Variants in ZMAT4 observed in about 807,000 individuals in gnomAD.
The protein encoded by ZMAT4 is zinc finger matrin-type protein 4.
In ZMAT4, 17 loss-of-function variants were observed where a neutral mutation model predicts 28.7. That is an observed-to-expected ratio of 0.59 (90% CI 0.41 to 0.89). The LOEUF (loss-of-function observed/expected upper bound fraction) is 0.89, where lower values mean the gene tolerates loss of function less well. Ranked by LOEUF, ZMAT4 falls within the 40% of genes least tolerant of loss-of-function variation. The pLI is 0.00. For synonymous variants in ZMAT4, 117 were observed against 109.2 expected (o/e 1.07, Z -0.44); for missense variants, 240 against 283.8 (o/e 0.85, Z 1.11).
chr8:40,834,747 C>T (rs1425706975), intron 1 of ZMAT4, among the ~76,000 whole-genome samples: 1 of 152,186 alleles, frequency 6.6e-6, no homozygotes, highest in Non-Finnish European at 1.5e-5. Flanking sequence ...CACGTGTCAT[C>T]CTTCTGGAAC....
chr8:40,599,779 C>A (rs1444205297), intron 5 of ZMAT4, among the ~76,000 whole-genome samples: 1 of 152,234 alleles, frequency 6.6e-6, no homozygotes, highest in Non-Finnish European at 1.5e-5. Flanking sequence ...TCTGCCTGAA[C>A]ATATGCTGTG....
At chr8:40,825,811 A>T in intron 1 of ZMAT4, 131 bp from the exon 2 acceptor site, 4 of 641,150 alleles carry the variant, frequency 6.2e-6, no homozygotes, top group Non-Finnish European at 1.1e-5. Flanking sequence ...ATCTCCCTAC[A>T]CTCTTGACGT....
At chr8:40,853,858 T>A (rs1326994678) in intron 1 of ZMAT4, among the ~76,000 whole-genome samples, 1 of 152,210 alleles carries the variant, frequency 6.6e-6, no homozygotes, top group Non-Finnish European at 1.5e-5. Context: ...TTTGTCTGTA[T>A]GATGCTATAA....
At chr8:40,797,075 C>A (rs1446778876) in intron 2 of ZMAT4, among the ~76,000 whole-genome samples, 1 of 152,208 alleles carries the variant, frequency 6.6e-6, no homozygotes, top group African/African-American at 2.4e-5. Flanking sequence ...CATTTCCATG[C>A]ACTCAGAGCT....
chr8:40,760,884 T>C (rs1157691413), intron 3 of ZMAT4, among the ~76,000 whole-genome samples: 1 of 152,164 alleles, frequency 6.6e-6, no homozygotes, highest in East Asian at 1.9e-4. Context: ...TTGACAGCTA[T>C]GGTCAGCTAC....
intron 5 of ZMAT4, among the ~76,000 whole-genome samples, chr8:40,632,343 T>G (rs13264921): frequency 0.2 from 31,065 of 152,164 alleles, 3,296 homozygotes; most frequent in Middle Eastern, 0.27. Flanking sequence ...GCCATGCCAT[T>G]TTCTCCCCTC....
intron 6 of ZMAT4, among the ~76,000 whole-genome samples, chr8:40,566,492 A>G (rs576853072): frequency 6.6e-6 from 1 of 152,196 alleles, no homozygotes; most frequent in Admixed American, 6.5e-5. Context: ...GACTTTCTCA[A>G]ATTACACTGT....
chr8:40,833,260 G>A (rs1236716420), intron 1 of ZMAT4, among the ~76,000 whole-genome samples: 5 of 151,854 alleles, frequency 3.3e-5, no homozygotes, highest in Admixed American at 3.3e-4. Context: ...ACAGAAACAA[G>A]AAAAGTACTC....
At chr8:40,533,350 A>C (rs1411166944) in intron 6 of ZMAT4, among the ~76,000 whole-genome samples, 2 of 152,222 alleles carry the variant, frequency 1.3e-5, no homozygotes, top group Non-Finnish European at 2.9e-5. Flanking sequence ...GATTTCTCGC[A>C]TGCTGCTGAA....
At chr8:40,701,574 G>A (rs755934354) in intron 3 of ZMAT4, among the ~76,000 whole-genome samples, 31 of 127,684 alleles carry the variant, frequency 2.4e-4, no homozygotes, top group Non-Finnish European at 4.2e-4. Flanking sequence ...CTGGAGTGCA[G>A]TGTCACGATC....
intron 3 of ZMAT4, among the ~76,000 whole-genome samples, chr8:40,701,284 G>A (rs1004572910): frequency 2.6e-5 from 4 of 152,124 alleles, no homozygotes; most frequent in African/African-American, 9.7e-5. Flanking sequence ...AATGTATCAT[G>A]GGATATAGGT....
chr8:40,567,624 C>A (rs1403245252), intron 6 of ZMAT4, among the ~76,000 whole-genome samples: 7 of 151,352 alleles, frequency 4.6e-5, no homozygotes, highest in African/African-American at 1.7e-4. Flanking sequence ...ACTTGAACCC[C>A]CCTGGGAGGC....
At chr8:40,796,983 G>T (rs910971725) in intron 2 of ZMAT4, among the ~76,000 whole-genome samples, 1 of 152,134 alleles carries the variant, frequency 6.6e-6, no homozygotes, top group East Asian at 1.9e-4. Context: ...ACCTCCAGGG[G>T]CCACAGGCAG....
chr8:40,704,227 T>C (rs2150501328), intron 3 of ZMAT4, among the ~76,000 whole-genome samples: 1 of 152,352 alleles, frequency 6.6e-6, no homozygotes, highest in Non-Finnish European at 1.5e-5. Flanking sequence ...AAAAGCAGAA[T>C]GCAGAAAATG....
At chr8:40,890,841 C>T (rs776502228) in intron 1 of ZMAT4, among the ~76,000 whole-genome samples, 25 of 151,846 alleles carry the variant, frequency 1.6e-4, no homozygotes, top group Admixed American at 5.2e-4. Flanking sequence ...GTTTTGCTAC[C>T]GTGGCTCCCT....
intron 2 of ZMAT4, among the ~76,000 whole-genome samples, chr8:40,804,914 T>C (rs1815012232): frequency 6.6e-6 from 1 of 151,650 alleles, no homozygotes. Context: ...AGATATACTA[T>C]AATATCGTTT....
rs534764869 is a variant in ZMAT4 at position 40,796,204 on chromosome 8, T to C, written c.103-28474A>G. ...ACCCAGTGTGCATCCACAGCGCCCA[T>C]GCACCTAACAGCAGGCTCCAAGAGG... On this transcript the variant is annotated intron_variant, in intron 2 of 6. Transcript: ENST00000297737. Among the ~76,000 whole-genome samples the C allele has an allele frequency of 3.9e-5, 6 of 152,238 alleles. No homozygotes were observed. The South Asian group carries it at 8.3e-4, about 21-fold the overall frequency.
At chr8:40,546,746 C>T (rs1268616675) in intron 6 of ZMAT4, among the ~76,000 whole-genome samples, 1 of 152,174 alleles carries the variant, frequency 6.6e-6, no homozygotes, top group Non-Finnish European at 1.5e-5. Flanking sequence ...CCCTCCAGAG[C>T]TCGGTGTGAG....
intron 5 of ZMAT4, among the ~76,000 whole-genome samples, chr8:40,601,070 T>C (rs1401495100): frequency 6.6e-6 from 1 of 152,134 alleles, no homozygotes; most frequent in Non-Finnish European, 1.5e-5. Flanking sequence ...CTTGAATATT[T>C]TCAGCTGTTG....
Sources: gnomAD v4.1 joint callset for allele counts (sites outside exome capture counted in the v4.1 genomes callset) on GRCh38, gnomAD v4.1.1 for gene constraint, MANE v1.5 for transcripts, NCBI Gene and HGNC (gene_info 2026-07-23, HGNC 2026-07-21) for gene names.